Variants in GCGR observed in about 807,000 individuals in gnomAD.
GCGR encodes glucagon receptor.
In GCGR, 41 loss-of-function variants were observed where a neutral mutation model predicts 56.1. That is an observed-to-expected ratio of 0.73 (90% CI 0.57 to 0.95). The LOEUF is 0.95. Among genes scored for constraint, GCGR ranks in the 40% least tolerant of loss-of-function variants. The probability of loss-of-function intolerance (pLI) is 0.00; values close to 1 mark genes in which losing one functional copy is unlikely to be tolerated. For missense variants in GCGR, 595 were observed against 638.2 expected, an observed-to-expected ratio of 0.93 and a Z score of 0.73; for synonymous variants, 278 against 271.1, an observed-to-expected ratio of 1.03 and a Z score of -0.25.
chr17:81,811,875 G>GC lies in GCGR; in HGVS notation c.818-5dup. On this transcript the variant is annotated splice_polypyrimidine_tract_variant and intron_variant, in intron 8 of 13. Transcript: ENST00000400723. The surrounding 1 kb of genome is among the most constrained non-coding windows in gnomAD (Gnocchi z 5.8). The stretch of plus-strand genomic sequence containing the variant: ...CCAAGCCTTTGGGACCACAGCTGCT[G>GC]CCCCCCACAGGTGCCCCCATGCTGT... The GC allele has an allele frequency of 6.5e-7, 1 of 1,537,060 alleles. No individual in the cohort carries two copies. The highest frequency in any genetic ancestry group is 8.7e-7 in the Non-Finnish European group (1 of 1,146,884).
rs1472968426 is a variant in GCGR at position 81,811,461 on chromosome 17, G to A, written c.558G>A (p.Leu186=). 3 of 1,536,536 alleles carry A rather than the reference G, an allele frequency of 2.0e-6. No individual in the cohort carries two copies. The African/African-American group carries it at 4.1e-5, about 21-fold the overall frequency. ...CGAATCTGTTTGCGTCCTTCGTGCT[G>A]AAAGCCAGCTCCGTGCTGGTCATTG... is the stretch of plus-strand genomic sequence containing the variant. ...IHANLFASFV[L]KASSVLVIDG... The change falls in exon 7 of 14, where the codon CTG becomes CTA. Residue 186 remains leucine, a synonymous_variant. Transcript: ENST00000400723. This position sits in a 1 kb window ranked among gnomAD's most constrained non-coding sequence, Gnocchi z 5.8.
Position 81,811,138 on chromosome 17 carries a change from G to A in GCGR, c.393+7G>A. ...CGAGGAGATTGAGGTCCAGGTCAGT[G>A]GGCGGCAGGCAGGCGCGGTGGGGCT... On this transcript the variant is annotated splice_region_variant and intron_variant, in intron 5 of 13. Coordinates refer to ENST00000400723, the MANE Select transcript of GCGR (RefSeq NM_000160.5). The surrounding 1 kb of genome is among the most constrained non-coding windows in gnomAD (Gnocchi z 5.8). 1 of 1,536,214 alleles carries A rather than the reference G, an allele frequency of 6.5e-7. No homozygotes were observed. Among genetic ancestry groups the A allele is most frequent in the East Asian group, 2.4e-5 (1 of 40,916 alleles).
At position 81,812,054 on chromosome 17, in the gene GCGR, G is replaced by C. The variant is rs931473056; in HGVS notation, c.878+108G>C. The C allele has an allele frequency of 2.0e-6, 3 of 1,509,516 alleles. No individual in the cohort carries two copies. In the East Asian group the frequency reaches 7.4e-5, roughly 37 times the overall value. 93.5% of individuals were successfully genotyped at this position (1,509,516 alleles called of 1,614,324 possible). A position where few individuals can be genotyped will look rare whatever the true frequency, so the allele number is the denominator to read the frequency against. On this transcript the variant is annotated intron_variant, in intron 9 of 13. Coordinates refer to ENST00000400723, the MANE Select transcript of GCGR (RefSeq NM_000160.5). The surrounding 1 kb of genome is among the most constrained non-coding windows in gnomAD (Gnocchi z 8.5). ...GGATGAGCCTGGTGCCTGGGGAGGG[G>C]GTCATTTGTGACCTTCTCCCTTCCT...
Position 81,812,598 on chromosome 17 carries a change from C to T in GCGR, c.970C>T (p.Arg324Cys), listed in dbSNP as rs371422062. The T allele has an allele frequency of 2.9e-5, 45 of 1,536,454 alleles. No individual in the cohort carries two copies. Among genetic ancestry groups the T allele is most frequent in the African/African-American group, 4.1e-5 (3 of 73,030 alleles). Residue 324 changes from arginine to cysteine, a missense_variant, in exon 11 of 14, where the codon CGC (arginine) becomes TGC (cysteine). Physicochemically the swap from Arg to Cys is radical, Grantham distance 180. Coordinates refer to ENST00000400723, the MANE Select transcript of GCGR (RefSeq NM_000160.5). The surrounding 1 kb of genome is among the most constrained non-coding windows in gnomAD (Gnocchi z 8.5). ...ACAGATCAACTTCTTCATCTTCGTCCGCATCGTTCAGCTGCTCGTGGCCAA... is the reference window on the plus strand; with the variant it reads ...ACAGATCAACTTCTTCATCTTCGTCTGCATCGTTCAGCTGCTCGTGGCCAA... ...AILINFFIFVRIVQLLVAKLR... is the reference protein window; with the variant it reads ...AILINFFIFVCIVQLLVAKLR...
Position 81,806,160 on chromosome 17 carries a change from C to CCG in GCGR, c.-178+1911_-178+1912insCG, listed in dbSNP as rs1201332299. Among the ~76,000 whole-genome samples the CCG allele has an allele frequency of 1.3e-5, 2 of 152,162 alleles. No homozygotes were observed. Among genetic ancestry groups the CCG allele is most frequent in the Non-Finnish European group, 2.9e-5 (2 of 68,024 alleles). The stretch of plus-strand genomic sequence containing the variant: ...GCTCAGCTGGAAATTGGTCCCCCCC[C>CCG]GGCTCCACCCACCCCTGTTGGGGTG... On this transcript the variant is annotated intron_variant, in intron 1 of 13. Coordinates refer to ENST00000400723, the MANE Select transcript of GCGR (RefSeq NM_000160.5). This position sits in a 1 kb window ranked among gnomAD's most constrained non-coding sequence, Gnocchi z 6.5.
intron 1 of GCGR, among the ~76,000 whole-genome samples, chr17:81,807,299 C>T (rs1682714529): frequency 6.6e-6 from 1 of 152,358 alleles, no homozygotes; most frequent in Non-Finnish European, 1.5e-5. Flanking sequence ...GTCCTGCCTC[C>T]CATCGGCCCC....
rs2038125919 is a variant in GCGR, at chr17:81,812,621, C to G, written c.993C>G (p.Ala331=). The G allele has an allele frequency of 6.5e-7, 1 of 1,536,518 alleles. No individual in the cohort carries two copies. Among genetic ancestry groups the G allele is most frequent in the Non-Finnish European group, 8.7e-7 (1 of 1,146,778 alleles). The change falls in exon 11 of 14, where the codon GCC becomes GCG. Residue 331 remains alanine, a synonymous_variant. Transcript: ENST00000400723. The surrounding 1 kb of genome is among the most constrained non-coding windows in gnomAD (Gnocchi z 8.5). ...IFVRIVQLLV[A]KLRARQMHHT... is the part of the protein sequence containing the mutation. ...TCCGCATCGTTCAGCTGCTCGTGGC[C>G]AAGCTGCGGGCACGGCAGATGCACC...
In GCGR at chr17:81,812,805, A is replaced by T. The variant is rs2038130736; in HGVS notation, c.1038-2A>T. 1 of 1,535,624 alleles carries T rather than the reference A, an allele frequency of 6.5e-7. No individual in the cohort carries two copies. Among genetic ancestry groups the T allele is most frequent in the Non-Finnish European group, 8.7e-7 (1 of 1,146,716 alleles). ...TGGGTGACTCAGGCGCTGCCTCTGCAGGCTGGCCAAGTCCACGCTGACCCT... is the reference window on the plus strand; with the variant it reads ...TGGGTGACTCAGGCGCTGCCTCTGCTGGCTGGCCAAGTCCACGCTGACCCT... On this transcript the variant is annotated splice_acceptor_variant, in intron 11 of 13. Transcript: ENST00000400723. LOFTEE classifies it high-confidence loss of function. The surrounding 1 kb of genome is among the most constrained non-coding windows in gnomAD (Gnocchi z 8.5).
Position 81,811,407 on chromosome 17 carries a change from G to GCTGCA in GCGR, c.511_515dup (p.Arg173AlafsTer16). 1.3e-6 allele frequency: 2 copies of GCTGCA among 1,536,354 alleles called. No homozygotes were observed. The highest frequency in any genetic ancestry group is 1.7e-6 in the Non-Finnish European group (2 of 1,146,844). On this transcript the variant is annotated frameshift_variant, in exon 7 of 14. Transcript: ENST00000400723. LOFTEE classifies it high-confidence loss of function. This position sits in a 1 kb window ranked among gnomAD's most constrained non-coding sequence, Gnocchi z 5.8. ...CGCTGACTGGCTGTGCCCACAGCAA[G>GCTGCA]CTGCACTGCACCCGCAATGCCATCC...
Position 81,811,176 on chromosome 17 carries a change from GCATGGGGGC to G in GCGR, c.394-44_394-36del. 4 of 1,536,098 alleles carry G rather than the reference GCATGGGGGC, an allele frequency of 2.6e-6. No homozygotes were observed. The highest frequency in any genetic ancestry group is 1.7e-4 in the Middle Eastern group (1 of 5,988). On this transcript the variant is annotated intron_variant, in intron 5 of 13. Coordinates refer to ENST00000400723, the MANE Select transcript of GCGR (RefSeq NM_000160.5). This position sits in a 1 kb window ranked among gnomAD's most constrained non-coding sequence, Gnocchi z 5.8. The stretch of plus-strand genomic sequence containing the variant: ...GCGCGGTGGGGCTGGATGGGAACGG[GCATGGGGGC>G]CCCTGCCTGGCCCTCACAGGCCACT...
At position 81,810,085 on chromosome 17, in the gene GCGR, G is replaced by A. The variant is rs1005724940; in HGVS notation, c.163+201G>A. On this transcript the variant is annotated intron_variant, in intron 3 of 13. Transcript: ENST00000400723. This position sits in a 1 kb window ranked among gnomAD's most constrained non-coding sequence, Gnocchi z 4.6. ...CAGAGCTGGGGACTTGCCTCAGGCC[G>A]CAGAGCCAGGAAATAACAGAACGGT... 4.4e-5 allele frequency: 28 copies of A among 638,230 alleles called. No homozygotes were observed. The highest frequency in any genetic ancestry group is 6.3e-5 in the Non-Finnish European group (22 of 349,194). 39.5% of individuals were successfully genotyped at this position (638,230 alleles called of 1,614,324 possible).
intron 1 of GCGR, among the ~76,000 whole-genome samples, chr17:81,805,528 T>C (rs996685636): frequency 3.5e-5 from 5 of 142,210 alleles, no homozygotes; most frequent in African/African-American, 1.4e-4. Context: ...CCCCCCACAT[T>C]GGGCACCTCG....
rs951482935 is a variant in GCGR at position 81,811,180 on chromosome 17, G to A, written c.394-42G>A. 20 of 1,536,082 alleles carry A rather than the reference G, an allele frequency of 1.3e-5. No homozygotes were observed. In the East Asian group the frequency reaches 4.4e-4, roughly 34 times the overall value. On this transcript the variant is annotated intron_variant, in intron 5 of 13. Coordinates refer to ENST00000400723, the MANE Select transcript of GCGR (RefSeq NM_000160.5). The surrounding 1 kb of genome is among the most constrained non-coding windows in gnomAD (Gnocchi z 5.8). Reference sequence around the variant, plus strand: ...GGTGGGGCTGGATGGGAACGGGCATGGGGGCCCCTGCCTGGCCCTCACAGG... The same window carrying A: ...GGTGGGGCTGGATGGGAACGGGCATAGGGGCCCCTGCCTGGCCCTCACAGG...
intron 2 of GCGR, 44 bp from the exon 3 acceptor site, chr17:81,809,730 TCTGCCTGC>T: frequency 7.1e-7 from 1 of 1,413,486 alleles, no homozygotes; most frequent in Middle Eastern, 1.7e-4. Flanking sequence ...TGCCTGTCTG[TCTGCCTGC>T]CTGTCTGTCT....
In GCGR at chr17:81,813,551, C is replaced by T; in HGVS notation, c.1296C>T (p.Asn432=). Residue 432 remains asparagine (N), a synonymous_variant, in exon 14 of 14, where the codon AAC becomes AAT. Coordinates refer to ENST00000400723, the MANE Select transcript of GCGR (RefSeq NM_000160.5). The surrounding 1 kb of genome is among the most constrained non-coding windows in gnomAD (Gnocchi z 5.3). Reference sequence around the variant, plus strand: ...TATGGGAGGAGCGGAACACCAGCAACCACAGGGCCTCATCTTCGCCCGGCC... The same window carrying T: ...TATGGGAGGAGCGGAACACCAGCAATCACAGGGCCTCATCTTCGCCCGGCC... The part of the protein sequence containing the change: ...KVLWEERNTS[N]HRASSSPGHG... The T allele has an allele frequency of 6.5e-7, 1 of 1,536,338 alleles. No individual in the cohort carries two copies. The highest frequency in any genetic ancestry group is 8.7e-7 in the Non-Finnish European group (1 of 1,146,838).
rs2038069158 is a variant in GCGR at position 81,810,441 on chromosome 17, A to T, written c.164-384A>T. Reference sequence around the variant, plus strand: ...CCACAGGTTTGGCGATGCACCTGGGAAGGATGAAAATGGCATTGGGGTTCA... The same window carrying T: ...CCACAGGTTTGGCGATGCACCTGGGTAGGATGAAAATGGCATTGGGGTTCA... On this transcript the variant is annotated intron_variant, in intron 3 of 13. Coordinates refer to ENST00000400723, the MANE Select transcript of GCGR (RefSeq NM_000160.5). The surrounding 1 kb of genome is among the most constrained non-coding windows in gnomAD (Gnocchi z 4.6). 2.8e-6 allele frequency: 1 copy of T among 358,836 alleles called. No individual in the cohort carries two copies. Among genetic ancestry groups the T allele is most frequent in the Admixed American group, 4.1e-5 (1 of 24,264 alleles). 22.2% of individuals were successfully genotyped at this position (358,836 alleles called of 1,614,324 possible).
chr17:81,813,448 C>T lies in GCGR; in HGVS notation c.1219-26C>T. On this transcript the variant is annotated intron_variant, in intron 13 of 13. Coordinates refer to ENST00000400723, the MANE Select transcript of GCGR (RefSeq NM_000160.5). The surrounding 1 kb of genome is among the most constrained non-coding windows in gnomAD (Gnocchi z 5.3). Reference sequence around the variant, plus strand: ...TGGAGAGGACAGGCAGGCCCTAGGACTGGCCTGCCCCGTCCCCCTCCCCAG... The same window carrying T: ...TGGAGAGGACAGGCAGGCCCTAGGATTGGCCTGCCCCGTCCCCCTCCCCAG... The T allele has an allele frequency of 1.3e-6, 2 of 1,529,278 alleles. No homozygotes were observed. Among genetic ancestry groups the T allele is most frequent in the East Asian group, 2.4e-5 (1 of 40,882 alleles). 94.7% of individuals were successfully genotyped at this position (1,529,278 alleles called of 1,614,324 possible).
Position 81,811,366 on chromosome 17 carries a change from C to G in GCGR, c.500+38C>G. On this transcript the variant is annotated intron_variant, in intron 6 of 13. Coordinates refer to ENST00000400723, the MANE Select transcript of GCGR (RefSeq NM_000160.5). The surrounding 1 kb of genome is among the most constrained non-coding windows in gnomAD (Gnocchi z 5.8). ...CAGCGCCCGGGGCGGCCGCAGAGGA[C>G]AGGGAGGAGGACGGGCGCTGACTGG... 6.5e-7 allele frequency: 1 copy of G among 1,535,658 alleles called. No homozygotes were observed. Among genetic ancestry groups the G allele is most frequent in the African/African-American group, 1.4e-5 (1 of 73,166 alleles).
At chr17:81,808,626 TCTC>T (rs1161152719) in intron 1 of GCGR, among the ~76,000 whole-genome samples, 1 of 151,586 alleles carries the variant, frequency 6.6e-6, no homozygotes, top group Non-Finnish European at 1.5e-5. Context: ...TTCACGCCAT[TCTC>T]CTGCCTCAAG....
Sources: allele counts gnomAD v4.1 joint callset (sites outside exome capture counted in the v4.1 genomes callset), GRCh38; gene constraint gnomAD v4.1.1; non-coding constraint Gnocchi (gnomAD v3.1); transcripts MANE v1.5; gene names NCBI Gene and HGNC (gene_info 2026-07-23, HGNC 2026-07-21).